Variants in TNKS observed in about 807,000 individuals in gnomAD.
TNKS encodes the protein tankyrase.
In TNKS, 72 loss-of-function variants were observed where a neutral mutation model predicts 135.8. That is an observed-to-expected ratio of 0.53 (90% CI 0.44 to 0.64). The LOEUF (loss-of-function observed/expected upper bound fraction) is 0.64, where lower values mean the gene tolerates loss of function less well. TNKS is among the 30% of genes least tolerant of loss of function. TNKS has a pLI of 0.00. For missense variants in TNKS, 1,769 were observed against 1,674.0 expected (o/e 1.06, Z -0.99); for synonymous variants, 849 against 649.3 (o/e 1.31, Z -4.68).
intron 1 of TNKS, chr8:9,557,820 T>C (rs970802113): frequency 3.9e-5 from 6 of 152,186 alleles, no homozygotes; most frequent in Admixed American, 1.3e-4. Flanking sequence ...ATTTTACAGA[T>C]GACAAAAGTG....
chr8:9,589,761 T>C (rs1477426192), intron 2 of TNKS, among the ~76,000 whole-genome samples: 1 of 152,238 alleles, frequency 6.6e-6, no homozygotes, highest in African/African-American at 2.4e-5. Flanking sequence ...ATGAGCTTGA[T>C]TTTGATTTTG....
At chr8:9,752,416 G>A (rs942692606) in intron 19 of TNKS, 128 bp from the exon 20 acceptor site, 1 of 639,932 alleles carries the variant, frequency 1.6e-6, no homozygotes, top group Non-Finnish European at 2.7e-6. Flanking sequence ...TGTGTATTCT[G>A]TATTATTTTA....
intron 26 of TNKS, among the ~76,000 whole-genome samples, chr8:9,772,932 G>GATAA (rs994147190): frequency 1.3e-5 from 2 of 148,548 alleles, no homozygotes; most frequent in African/African-American, 5.0e-5. Context: ...AAGCAAATGA[G>GATAA]ATAAATAAAA....
chr8:9,640,978 C>T (rs1041389199), intron 3 of TNKS, among the ~76,000 whole-genome samples: 1 of 145,868 alleles, frequency 6.9e-6, no homozygotes. Context: ...CAAACATCTA[C>T]CTCCTTAGCC....
At chr8:9,677,476 GT>G (rs1802594255) in intron 3 of TNKS, among the ~76,000 whole-genome samples, 1 of 152,074 alleles carries the variant, frequency 6.6e-6, no homozygotes, top group African/African-American at 2.4e-5. Flanking sequence ...TTGGAGTCAT[GT>G]TTCACTACGA....
rs184969889 is a variant in TNKS at position 9,671,631 on chromosome 8, C to T, written c.995-8320C>T. Among the ~76,000 whole-genome samples the T allele has an allele frequency of 1.1e-3, 174 of 152,048 alleles. 1 individual carries two copies. Among genetic ancestry groups the T allele is most frequent in the Admixed American group, 2.7e-3 (41 of 15,266 alleles). Reference sequence around the variant, plus strand: ...GAGTAGGCGATTGATTTCAGAGGGGCCTGACTTTTTGGTGTGATAGAAATG... The same window carrying T: ...GAGTAGGCGATTGATTTCAGAGGGGTCTGACTTTTTGGTGTGATAGAAATG... On this transcript the variant is annotated intron_variant, in intron 3 of 26. Transcript: ENST00000310430.
At chr8:9,714,215 G>A (rs936238219) in intron 11 of TNKS, among the ~76,000 whole-genome samples, 1 of 152,050 alleles carries the variant, frequency 6.6e-6, no homozygotes, top group African/African-American at 2.4e-5. Flanking sequence ...ATATAACCTA[G>A]ACAGGCATGC....
At chr8:9,681,804 T>C (rs1186067145) in intron 5 of TNKS, among the ~76,000 whole-genome samples, 1 of 152,138 alleles carries the variant, frequency 6.6e-6, no homozygotes, top group Admixed American at 6.6e-5. Context: ...TCCCCACTTT[T>C]TCTCTATTTT....
At chr8:9,768,507 T>C (rs1302057065) in intron 25 of TNKS, among the ~76,000 whole-genome samples, 1 of 152,240 alleles carries the variant, frequency 6.6e-6, no homozygotes, top group Non-Finnish European at 1.5e-5. Flanking sequence ...CTGCTGCGTC[T>C]GCAGAATGCA....
rs142648842 is a variant in TNKS at position 9,758,598 on chromosome 8, G to T, written c.3154-2918G>T. Among the ~76,000 whole-genome samples, 86 of 152,230 alleles carry T rather than the reference G, an allele frequency of 5.6e-4. 1 individual carries two copies. Among genetic ancestry groups the T allele is most frequent in the African/African-American group, 1.7e-3 (72 of 41,528 alleles). Reference sequence around the variant, plus strand: ...TCAACAATCTAAGCATGGCTTAGTTGGGTGCCTCTGGCTCAAGGTCTGTCC... The same window carrying T: ...TCAACAATCTAAGCATGGCTTAGTTTGGTGCCTCTGGCTCAAGGTCTGTCC... On this transcript the variant is annotated intron_variant, in intron 20 of 26. Transcript: ENST00000310430.
intron 13 of TNKS, among the ~76,000 whole-genome samples, chr8:9,729,567 G>C (rs563671571): frequency 3.3e-5 from 5 of 152,206 alleles, no homozygotes; most frequent in African/African-American, 1.2e-4. Context: ...GTAGCAGAAA[G>C]ACTAAGAGGT....
intron 3 of TNKS, among the ~76,000 whole-genome samples, chr8:9,633,831 A>G (rs1800392303): frequency 6.6e-6 from 1 of 152,140 alleles, no homozygotes; most frequent in Non-Finnish European, 1.5e-5. Context: ...AGATTCTTGG[A>G]AGCAGATTTT....
intron 2 of TNKS, among the ~76,000 whole-genome samples, chr8:9,607,308 G>A (rs1445286354): frequency 6.6e-6 from 1 of 152,112 alleles, no homozygotes; most frequent in Non-Finnish European, 1.5e-5. Flanking sequence ...TCTCTTTTCT[G>A]CTTGTGTATG....
At chr8:9,600,646 T>A (rs1427303312) in intron 2 of TNKS, among the ~76,000 whole-genome samples, 50 of 152,166 alleles carry the variant, frequency 3.3e-4, no homozygotes, top group Non-Finnish European at 1.5e-5. Flanking sequence ...ATGCAGTTTT[T>A]ATTTTTTCCC....
rs1396442937 is a variant in TNKS at position 9,659,642 on chromosome 8, T to C, written c.995-20309T>C. Among the ~76,000 whole-genome samples, 4 of 152,012 alleles carry C rather than the reference T, an allele frequency of 2.6e-5. No homozygotes were observed. The East Asian group carries it at 5.8e-4, about 22-fold the overall frequency. ...CCCACAAGAGAAAGCAGGAAAGATC[T>C]AAAATTGACACCCTAACATCACAAT... On this transcript the variant is annotated intron_variant, in intron 3 of 26. Transcript: ENST00000310430.
chr8:9,656,018 C>T (rs920830978), intron 3 of TNKS, among the ~76,000 whole-genome samples: 17 of 152,012 alleles, frequency 1.1e-4, no homozygotes, highest in African/African-American at 3.9e-4. Flanking sequence ...AAATGGCTAA[C>T]TAGAATAACC....
intron 2 of TNKS, among the ~76,000 whole-genome samples, chr8:9,600,559 G>A (rs989755136): frequency 6.6e-6 from 1 of 151,966 alleles, no homozygotes; most frequent in African/African-American, 2.4e-5. Context: ...GCGATCTGTT[G>A]GTCTCGGCCT....
chr8:9,672,068 G>T (rs752564752), intron 3 of TNKS, among the ~76,000 whole-genome samples: 8 of 152,172 alleles, frequency 5.3e-5, no homozygotes, highest in Non-Finnish European at 1.2e-4. Context: ...TGCTATTGCA[G>T]CACTTGTGTG....
At chr8:9,760,500 CTTG>C (rs1447283363) in intron 20 of TNKS, among the ~76,000 whole-genome samples, 1 of 152,172 alleles carries the variant, frequency 6.6e-6, no homozygotes, top group Non-Finnish European at 1.5e-5. Flanking sequence ...AAAAAGCGAT[CTTG>C]TTTGAGTTGG....
Sources: allele counts gnomAD v4.1 joint callset (sites outside exome capture counted in the v4.1 genomes callset), GRCh38; gene constraint gnomAD v4.1.1; transcripts MANE v1.5; gene names NCBI Gene and HGNC (gene_info 2026-07-23, HGNC 2026-07-21).